RDM1: variants seen among roughly 807,000 people sequenced by gnomAD.
The protein encoded by RDM1 is RAD52 motif containing 1.
In RDM1, 28 loss-of-function variants were observed where a neutral mutation model predicts 27.7. That is an observed-to-expected ratio of 1.01 (90% CI 0.75 to 1.39). The LOEUF is 1.39. RDM1 is among the 40% of genes most tolerant of loss of function. The pLI, the probability that RDM1 is intolerant of heterozygous loss-of-function variation, is 0.00. For synonymous variants in RDM1, 124 were observed against 127.5 expected, an observed-to-expected ratio of 0.97 and a Z score of 0.19; for missense variants, 277 against 337.3, an observed-to-expected ratio of 0.82 and a Z score of 1.40.
intron 5 of RDM1, 47 bp from the exon 6 acceptor site, chr17:35,920,319 A>T: frequency 1.0e-6 from 1 of 985,900 alleles, no homozygotes; most frequent in Non-Finnish European, 1.6e-6. Context: ...TTTCATTCTA[A>T]AACTTCCTGC....
At position 35,930,713 on chromosome 17, in the gene RDM1, T is replaced by C. The variant is rs1241084603; in HGVS notation, c.15A>G (p.Val5=). The C allele has an allele frequency of 1.2e-6, 2 of 1,613,406 alleles. No homozygotes were observed. The highest frequency in any genetic ancestry group is 1.7e-5 in the Admixed American group (1 of 59,954). Residue 5 remains valine, a synonymous_variant, in exon 1 of 7, where the codon GTA becomes GTG. Transcript: ENST00000620284. MAEL[V]PFAVPIESDK... is the part of the protein sequence containing the mutation. ...CACTCTCGATGGGAACCGCAAAAGG[T>C]ACCAACTCCGCCATCCTCCCTTCAC...
At chr17:35,920,949 C>T (rs2088924146) in intron 5 of RDM1, among the ~76,000 whole-genome samples, 1 of 152,050 alleles carries the variant, frequency 6.6e-6, no homozygotes, top group South Asian at 2.1e-4. Flanking sequence ...GAATAGAGAC[C>T]ACTGGGCTAG....
chr17:35,919,212 G>GAA (rs145354021), intron 6 of RDM1, among the ~76,000 whole-genome samples: 43 of 151,770 alleles, frequency 2.8e-4, no homozygotes, highest in African/African-American at 8.9e-4. Flanking sequence ...AGTTCCTACT[G>GAA]AAAAAAAACA....
At chr17:35,921,444 C>T (rs528209385) in intron 5 of RDM1, among the ~76,000 whole-genome samples, 8 of 152,336 alleles carry the variant, frequency 5.3e-5, no homozygotes, top group Non-Finnish European at 8.8e-5. Context: ...TGTTCAGGGA[C>T]TCTTTGCTAA....
Position 35,924,991 on chromosome 17 carries a change from G to C in RDM1, c.400-219C>G, listed in dbSNP as rs556465015. ...TCTACTAAAAATACAAAAATTAGCT[G>C]GGCGTGGTGGTGGGCGCCTGTAGTC... On this transcript the variant is annotated intron_variant, in intron 3 of 6. Transcript: ENST00000620284. 3.3e-5 allele frequency among the ~76,000 whole-genome samples: 5 copies of C among 152,112 alleles called. No homozygotes were observed. The East Asian group carries it at 9.7e-4, about 29-fold the overall frequency.
rs369170945 is a variant in RDM1, at chr17:35,930,126, C to G, written c.226G>C (p.Ala76Pro). 86 of 1,614,218 alleles carry G rather than the reference C, an allele frequency of 5.3e-5. No homozygotes were observed. Among genetic ancestry groups the G allele is most frequent in the South Asian group, 5.1e-4 (46 of 91,082 alleles). The stretch of plus-strand genomic sequence containing the variant: ...TGCTTCCGGTCGCATGCCTTTTGGG[C>G]TCTGTGGGCAGCCCTTGCAGAATAA... ...KFYSARAAHRAQKACDRKQLF... is the reference protein window; with the variant it reads ...KFYSARAAHRPQKACDRKQLF... The change falls in exon 2 of 7, where the codon GCC becomes CCC. Residue 76 changes from alanine (A) to proline (P), a missense_variant. Ala to Pro is a conservative substitution (Grantham distance 27). Coordinates refer to ENST00000620284, the MANE Select transcript of RDM1 (RefSeq NM_145654.4).
At chr17:35,920,752 G>T (rs1251727065) in intron 5 of RDM1, among the ~76,000 whole-genome samples, 2 of 152,016 alleles carry the variant, frequency 1.3e-5, no homozygotes, top group African/African-American at 4.8e-5. Flanking sequence ...ACCATGTCTG[G>T]CCTCACACCT....
intron 6 of RDM1, among the ~76,000 whole-genome samples, chr17:35,919,238 T>A (rs34369685): frequency 0.15 from 23,047 of 152,126 alleles, 1,857 homozygotes; most frequent in South Asian, 0.28. Flanking sequence ...GCTACTTTTT[T>A]TAAAGAATTC....
chr17:35,922,574 T>C lies in RDM1; in HGVS notation c.667+3A>G. 1 of 1,611,082 alleles carries C rather than the reference T, an allele frequency of 6.2e-7. No homozygotes were observed. The highest frequency in any genetic ancestry group is 8.5e-7 in the Non-Finnish European group (1 of 1,179,370). On this transcript the variant is annotated splice_donor_region_variant and intron_variant, in intron 5 of 6. Transcript: ENST00000620284. ...ACTTCAAGGATGATCAAGACAGTCT[T>C]ACCTAGAACAACAATCAACAGTTTC...
At chr17:35,927,417 G>T (rs1387080262) in intron 2 of RDM1, among the ~76,000 whole-genome samples, 1 of 152,044 alleles carries the variant, frequency 6.6e-6, no homozygotes, top group Non-Finnish European at 1.5e-5. Flanking sequence ...TCCAGCCTGG[G>T]TGACAGAGCA....
At chr17:35,918,853 T>C (rs2088837013) in intron 6 of RDM1, among the ~76,000 whole-genome samples, 1 of 152,246 alleles carries the variant, frequency 6.6e-6, no homozygotes, top group South Asian at 2.1e-4. Flanking sequence ...TTACCTATTT[T>C]ATTACTCATT....
At position 35,922,644 on chromosome 17, in the gene RDM1, T is replaced by C; in HGVS notation, c.600A>G (p.Thr200=). ...CCTTCTGAATAGCAAGCTTCTGGGC[T>C]GTCTTCCTTTTCATAAGGAATGATA... ...GPLSFLMKRK[T]AQKLAIQKAL... The change falls in exon 5 of 7, where the codon ACA becomes ACG. Residue 200 remains threonine, a synonymous_variant. Transcript: ENST00000620284. 1 of 1,608,348 alleles carries C rather than the reference T, an allele frequency of 6.2e-7. No homozygotes were observed. Among genetic ancestry groups the C allele is most frequent in the Non-Finnish European group, 8.5e-7 (1 of 1,178,924 alleles).
chr17:35,923,878 G>GT (rs1156400681), intron 4 of RDM1, among the ~76,000 whole-genome samples: 7 of 151,982 alleles, frequency 4.6e-5, no homozygotes, highest in Middle Eastern at 6.8e-3. Context: ...CCTTTTATGA[G>GT]TAAAAAAAGG....
In RDM1 at chr17:35,918,183, GA is replaced by G. The variant is rs1441909511; in HGVS notation, c.*158del. Reference sequence around the variant, plus strand: ...CCAAGCCTCCCTTCCCACTCCACCAGAACACCCCTTCCCTCCCCTTCGCCAG... The same window carrying G: ...CCAAGCCTCCCTTCCCACTCCACCAGACACCCCTTCCCTCCCCTTCGCCAG... On this transcript the variant is annotated 3_prime_UTR_variant, in exon 7 of 7. Coordinates refer to ENST00000620284, the MANE Select transcript of RDM1 (RefSeq NM_145654.4). 1.6e-6 allele frequency: 1 copy of G among 633,380 alleles called. No homozygotes were observed. Among genetic ancestry groups the G allele is most frequent in the Non-Finnish European group, 2.8e-6 (1 of 353,702 alleles). The allele number at this position is 633,380 out of a possible 1,614,324, so 39.2% of individuals were successfully genotyped here.
chr17:35,924,686 A>T lies in RDM1; in HGVS notation c.486T>A (p.Ala162=). 1 of 1,614,166 alleles carries T rather than the reference A, an allele frequency of 6.2e-7. No homozygotes were observed. Among genetic ancestry groups the T allele is most frequent in the South Asian group, 1.1e-5 (1 of 91,080 alleles). ...CACAGGATGGCAACACCACTTCTAA[A>T]GCACAGAAGAACTTCAGGCTTTGCT... ...LPKQSLKFFC[A]LEVVLPSCDC... is the part of the protein sequence containing the mutation. The change falls in exon 4 of 7, where the codon GCT becomes GCA. Residue 162 remains alanine, a synonymous_variant. Coordinates refer to ENST00000620284, the MANE Select transcript of RDM1 (RefSeq NM_145654.4).
intron 2 of RDM1, 40 bp from the exon 3 acceptor site, chr17:35,925,677 C>G (rs1327503737): frequency 6.4e-7 from 1 of 1,571,488 alleles, no homozygotes; most frequent in Non-Finnish European, 8.7e-7. Flanking sequence ...ATCACAACCG[C>G]TAGAGATTTT....
chr17:35,920,297 A>G (rs551337325), intron 5 of RDM1, 25 bp from the exon 6 acceptor site: 29 of 1,227,954 alleles, frequency 2.4e-5, no homozygotes, highest in Admixed American at 9.8e-5. Flanking sequence ...GCGAGGATCA[A>G]TTCAGAATCT....
chr17:35,922,838 T>G (rs756032305), intron 4 of RDM1, among the ~76,000 whole-genome samples, 163 bp from the exon 5 acceptor site: 1 of 152,166 alleles, frequency 6.6e-6, no homozygotes, highest in Non-Finnish European at 1.5e-5. Flanking sequence ...AGGTACATCC[T>G]GGCAGGGCCC....
chr17:35,924,719 T>A lies in RDM1; in HGVS notation c.453A>T (p.Pro151=), dbSNP rs1025413094. ...EERENEDSMV[P]LPKQSLKFFC... ...AGAACTTCAGGCTTTGCTTCGGAAG[T>A]GGCACCATGCTATCTTCATTTTCCC... Residue 151 remains proline, a synonymous_variant, in exon 4 of 7, where the codon CCA becomes CCT. Transcript: ENST00000620284. 2.5e-6 allele frequency: 4 copies of A among 1,614,184 alleles called. No individual in the cohort carries two copies. Among genetic ancestry groups the A allele is most frequent in the Non-Finnish European group, 3.4e-6 (4 of 1,180,010 alleles).
Sources: allele counts gnomAD v4.1 joint callset (sites outside exome capture counted in the v4.1 genomes callset), GRCh38; gene constraint gnomAD v4.1.1; transcripts MANE v1.5; gene names NCBI Gene and HGNC (gene_info 2026-07-23, HGNC 2026-07-21).